Variants in LRP1B observed in about 807,000 individuals in gnomAD.
The protein encoded by LRP1B is LDL receptor related protein 1B.
LRP1B carries 217 observed loss-of-function variants against 556.6 expected under a neutral mutation model. That is an observed-to-expected ratio of 0.39 (90% CI 0.35 to 0.44). The LOEUF is 0.44. Among genes scored for constraint, LRP1B ranks in the 20% least tolerant of loss-of-function variants. The pLI, the probability that LRP1B is intolerant of heterozygous loss-of-function variation, is 1.00. For synonymous variants in LRP1B, 2,047 were observed against 1,865.8 expected, an observed-to-expected ratio of 1.10 and a Z score of -2.50; for missense variants, 5,053 against 5,620.8, an observed-to-expected ratio of 0.90 and a Z score of 3.23.
At position 141,985,034 on chromosome 2, in the gene LRP1B, A is replaced by G. The variant is rs575382324; in HGVS notation, c.82+145614T>C. Reference sequence around the variant, plus strand: ...CAAATTACCAGTTAAATGTGACTTAATATTCTCATTTTGACTCATACATTA... The same window carrying G: ...CAAATTACCAGTTAAATGTGACTTAGTATTCTCATTTTGACTCATACATTA... On this transcript the variant is annotated intron_variant, in intron 1 of 90. Transcript: ENST00000389484. 6.6e-5 allele frequency among the ~76,000 whole-genome samples: 10 copies of G among 152,284 alleles called. No homozygotes were observed. In the South Asian group the frequency reaches 2.1e-3, roughly 32 times the overall value.
At chr2:141,927,917 A>AAAAG (rs1700378864) in intron 1 of LRP1B, among the ~76,000 whole-genome samples, 12 of 145,906 alleles carry the variant, frequency 8.2e-5, no homozygotes, top group Non-Finnish European at 1.8e-4. Context: ...AAAAAAAAAA[A>AAAAG]AAAGAAAGAA....
intron 11 of LRP1B, among the ~76,000 whole-genome samples, chr2:141,045,276 G>C (rs1490449405): frequency 1.8e-5 from 2 of 111,458 alleles, no homozygotes; most frequent in Non-Finnish European, 3.6e-5. Flanking sequence ...GTTGTGGGGT[G>C]GGGGGAGGGG....
At chr2:141,900,871 G>A (rs1382940714) in intron 1 of LRP1B, among the ~76,000 whole-genome samples, 2 of 151,872 alleles carry the variant, frequency 1.3e-5, no homozygotes, top group African/African-American at 4.8e-5. Flanking sequence ...CACTCCATCT[G>A]TTTCTTGCTG....
At chr2:141,728,026 A>G (rs189593659) in intron 2 of LRP1B, among the ~76,000 whole-genome samples, 5 of 152,232 alleles carry the variant, frequency 3.3e-5, no homozygotes, top group Non-Finnish European at 7.4e-5. Context: ...TTTTAGCGCT[A>G]TAATGAGGGG....
intron 2 of LRP1B, among the ~76,000 whole-genome samples, chr2:141,625,552 A>G (rs962470638): frequency 3.3e-5 from 5 of 152,142 alleles, no homozygotes; most frequent in Non-Finnish European, 7.4e-5. Context: ...AAAGAATGTA[A>G]TCTTCTTGAG....
At chr2:140,601,115 G>A (rs1461379963) in intron 42 of LRP1B, among the ~76,000 whole-genome samples, 8 of 148,336 alleles carry the variant, frequency 5.4e-5, no homozygotes, top group East Asian at 3.9e-4. Flanking sequence ...TTAGTCTTCC[G>A]TGTATGTTAA....
intron 3 of LRP1B, among the ~76,000 whole-genome samples, chr2:141,285,243 A>G (rs1291813477): frequency 6.7e-6 from 1 of 148,372 alleles, no homozygotes; most frequent in Non-Finnish European, 1.5e-5. Flanking sequence ...CAAGCGCCAC[A>G]TGCCCGGCTA....
At chr2:142,015,384 A>C (rs1478046765) in intron 1 of LRP1B, among the ~76,000 whole-genome samples, 7 of 152,206 alleles carry the variant, frequency 4.6e-5, no homozygotes, top group Non-Finnish European at 8.8e-5. Context: ...AGATGGATTA[A>C]AGACTTAAAC....
At chr2:141,578,067 A>G (rs577072333) in intron 2 of LRP1B, among the ~76,000 whole-genome samples, 24 of 152,276 alleles carry the variant, frequency 1.6e-4, no homozygotes, top group African/African-American at 5.5e-4. Flanking sequence ...AACGGGGGAA[A>G]AAATAGATCA....
chr2:141,074,475 C>T (rs926859339), intron 7 of LRP1B, among the ~76,000 whole-genome samples: 4 of 151,528 alleles, frequency 2.6e-5, no homozygotes, highest in Non-Finnish European at 5.9e-5. Flanking sequence ...AGACTACAAC[C>T]TCCAAGAGGC....
chr2:141,591,492 G>A (rs916727424), intron 2 of LRP1B, among the ~76,000 whole-genome samples: 2 of 151,668 alleles, frequency 1.3e-5, no homozygotes, highest in Admixed American at 6.6e-5. Flanking sequence ...ATACAGTTGT[G>A]CTTATAGCAG....
chr2:140,531,818 T>C (rs1220849440), intron 47 of LRP1B, among the ~76,000 whole-genome samples: 1 of 152,172 alleles, frequency 6.6e-6, no homozygotes, highest in African/African-American at 2.4e-5. Context: ...CTCCAGTTCA[T>C]GCCTGCCCTC....
At chr2:142,102,397 C>G (rs1297504112) in intron 1 of LRP1B, among the ~76,000 whole-genome samples, 1 of 151,818 alleles carries the variant, frequency 6.6e-6, no homozygotes, top group Non-Finnish European at 1.5e-5. Flanking sequence ...GACAAATTCA[C>G]TTAAGATCTG....
At position 140,457,614 on chromosome 2, in the gene LRP1B, T is replaced by A. The variant is rs1192690314; in HGVS notation, c.9663A>T (p.Thr3221=). 6.2e-7 allele frequency: 1 copy of A among 1,613,726 alleles called. No homozygotes were observed. Among genetic ancestry groups the A allele is most frequent in the South Asian group, 1.1e-5 (1 of 91,072 alleles). Residue 3221 remains threonine (T), a synonymous_variant, in exon 61 of 91, where the codon ACA becomes ACT. Transcript: ENST00000389484. ...NQDIPGVIAL[T]LFEDYIYWTD... is the part of the protein sequence containing the mutation. ...TCCAGTAGATGTAGTCTTCAAACAA[T>A]GTTAGTGCAATCACCCCTGGAATAT... is the stretch of plus-strand genomic sequence containing the variant.
chr2:140,287,975 T>C (rs1458720133), intron 84 of LRP1B, among the ~76,000 whole-genome samples: 1 of 151,868 alleles, frequency 6.6e-6, no homozygotes, highest in Non-Finnish European at 1.5e-5. Flanking sequence ...GATGTATTTT[T>C]GCATCTATAA....
rs2105463315 is a variant in LRP1B, at chr2:141,059,070, A to T, written c.1237-16T>A. 1 of 1,413,398 alleles carries T rather than the reference A, an allele frequency of 7.1e-7. No individual in the cohort carries two copies. Among genetic ancestry groups the T allele is most frequent in the Non-Finnish European group, 9.4e-7 (1 of 1,060,546 alleles). The allele number at this position is 1,413,398 out of a possible 1,614,324, so 87.6% of individuals were successfully genotyped here. A position where few individuals can be genotyped will look rare whatever the true frequency, so the allele number is the denominator to read the frequency against. On this transcript the variant is annotated splice_polypyrimidine_tract_variant and intron_variant, in intron 8 of 90. Transcript: ENST00000389484. ...GATGTCTAACCTATAAAGAGGGCAA[A>T]ACATAACTATGATTTTTAATTATGT...
At chr2:141,582,380 GTGT>G (rs1686980826) in intron 2 of LRP1B, among the ~76,000 whole-genome samples, 1 of 152,218 alleles carries the variant, frequency 6.6e-6, no homozygotes, top group Admixed American at 6.5e-5. Context: ...ATTGCAGGTA[GTGT>G]TGTGTGGTTG....
intron 1 of LRP1B, among the ~76,000 whole-genome samples, chr2:142,015,590 C>T (rs1703094862): frequency 1.3e-5 from 2 of 152,102 alleles, no homozygotes; most frequent in African/African-American, 4.8e-5. Context: ...CAGGCAACCC[C>T]TACAGAATGA....
intron 7 of LRP1B, among the ~76,000 whole-genome samples, chr2:141,096,751 T>C (rs1037149650): frequency 2.0e-5 from 3 of 151,436 alleles, no homozygotes; most frequent in Non-Finnish European, 4.4e-5. Flanking sequence ...ACATTTTAAA[T>C]GTAAAAAAAA....
Sources: allele counts gnomAD v4.1 joint callset (sites outside exome capture counted in the v4.1 genomes callset), GRCh38; gene constraint gnomAD v4.1.1; transcripts MANE v1.5; gene names NCBI Gene and HGNC (gene_info 2026-07-23, HGNC 2026-07-21).